NRG1: variants seen among roughly 807,000 people sequenced by gnomAD.
NRG1 encodes the protein pro-neuregulin-1, membrane-bound isoform.
In NRG1, 18 loss-of-function variants were observed where a neutral mutation model predicts 63.8. The ratio of observed to expected loss-of-function variants is 0.28; its 90% CI spans 0.19 to 0.42. The LOEUF (loss-of-function observed/expected upper bound fraction) is 0.42, where lower values mean the gene tolerates loss of function less well. Ranked by LOEUF, NRG1 falls within the 10% of genes least tolerant of loss-of-function variation. NRG1 has a pLI of 1.00. For missense variants in NRG1, 762 were observed against 814.7 expected, an observed-to-expected ratio of 0.94 and a Z score of 0.79; for synonymous variants, 302 against 301.3, an observed-to-expected ratio of 1.00 and a Z score of -0.02.
intron 1 of NRG1, among the ~76,000 whole-genome samples, chr8:31,826,075 A>T (rs1243746705): frequency 6.6e-6 from 1 of 152,160 alleles, no homozygotes; most frequent in Non-Finnish European, 1.5e-5. Context: ...TAGAAATAGA[A>T]CCCTGTTTTT....
intron 1 of NRG1, among the ~76,000 whole-genome samples, chr8:31,911,175 GC>G (rs1832913463): frequency 6.6e-6 from 1 of 152,052 alleles, no homozygotes; most frequent in South Asian, 2.1e-4. Context: ...TTGTGTGGGA[GC>G]GATTTTTCAA....
chr8:32,096,602 G>T (rs1269030406), intron 1 of NRG1, among the ~76,000 whole-genome samples: 4 of 152,296 alleles, frequency 2.6e-5, no homozygotes, highest in African/African-American at 9.6e-5. Flanking sequence ...ATTTGGTGAA[G>T]GCCACAGGCC....
At chr8:31,757,077 A>G (rs960039057) in intron 1 of NRG1, among the ~76,000 whole-genome samples, 3 of 152,184 alleles carry the variant, frequency 2.0e-5, no homozygotes, top group African/African-American at 7.2e-5. Flanking sequence ...ATTTTATAAG[A>G]AAAGGAGTAA....
intron 5 of NRG1, among the ~76,000 whole-genome samples, chr8:32,721,365 C>T (rs1472300278): frequency 2.0e-5 from 3 of 152,138 alleles, no homozygotes; most frequent in Non-Finnish European, 4.4e-5. Context: ...TCAACTTGTT[C>T]TTTGGACAAA....
At chr8:31,790,835 T>C (rs1271732079) in intron 1 of NRG1, among the ~76,000 whole-genome samples, 2 of 152,182 alleles carry the variant, frequency 1.3e-5, no homozygotes, top group African/African-American at 4.8e-5. Context: ...TGAGACACCT[T>C]GTCCAGGGGT....
downstream of NRG1, among the ~76,000 whole-genome samples, chr8:32,768,610 A>G (rs375407964): frequency 3.1e-3 from 471 of 152,360 alleles, 2 homozygotes; most frequent in Non-Finnish European, 4.8e-3. Context: ...GAAAATTCTC[A>G]TATTCTAAGA....
At chr8:32,435,032 A>G (rs1818614345) in intron 1 of NRG1, among the ~76,000 whole-genome samples, 1 of 152,154 alleles carries the variant, frequency 6.6e-6, no homozygotes, top group African/African-American at 2.4e-5. Flanking sequence ...TGTAATCACC[A>G]TGTTTTCCCA....
intron 1 of NRG1, among the ~76,000 whole-genome samples, chr8:31,698,356 G>C (rs1014334889): frequency 2.0e-5 from 3 of 152,160 alleles, no homozygotes; most frequent in Non-Finnish European, 2.9e-5. Context: ...CAGGATGCTA[G>C]TGATGTGGGG....
chr8:32,761,735 G>A lies in NRG1; in HGVS notation c.1259+1329G>A, dbSNP rs548792809. Among the ~76,000 whole-genome samples, 115 of 151,952 alleles carry A rather than the reference G, an allele frequency of 7.6e-4. 1 individual carries two copies. The highest frequency in any genetic ancestry group is 1.5e-3 in the South Asian group (7 of 4,812). On this transcript the variant is annotated intron_variant, in intron 11 of 11. Transcript: ENST00000356819. Reference sequence around the variant, plus strand: ...AGACTCTTCCCACTCATGGACTGGGGAGTACTTACAATAAAAAATGACAGG... The same window carrying A: ...AGACTCTTCCCACTCATGGACTGGGAAGTACTTACAATAAAAAATGACAGG...
intron 1 of NRG1, among the ~76,000 whole-genome samples, chr8:32,080,772 T>TAC (rs1563763398): frequency 5.0e-5 from 2 of 40,152 alleles, no homozygotes; most frequent in East Asian, 2.7e-4. Flanking sequence ...TGCGTGTGTG[T>TAC]GTGTGTGTGT....
chr8:32,234,925 C>T (rs1847375915), intron 1 of NRG1, among the ~76,000 whole-genome samples: 2 of 151,968 alleles, frequency 1.3e-5, no homozygotes, highest in Non-Finnish European at 2.9e-5. Context: ...TATTCAATGT[C>T]TCATTTTTCT....
chr8:32,631,525 C>T (rs1224179283), intron 5 of NRG1, among the ~76,000 whole-genome samples: 1 of 152,142 alleles, frequency 6.6e-6, no homozygotes, highest in Non-Finnish European at 1.5e-5. Context: ...TTTCCTGTAA[C>T]TACATGAACT....
intron 1 of NRG1, among the ~76,000 whole-genome samples, chr8:31,875,472 G>A (rs749136972): frequency 6.6e-6 from 1 of 152,132 alleles, no homozygotes; most frequent in Non-Finnish European, 1.5e-5. Flanking sequence ...GTGCTTTTGA[G>A]GTTAGGAGCT....
chr8:32,194,430 A>G (rs143945316), intron 1 of NRG1, among the ~76,000 whole-genome samples: 2 of 152,150 alleles, frequency 1.3e-5, no homozygotes, highest in Non-Finnish European at 2.9e-5. Flanking sequence ...GGCATGCCAC[A>G]TCATGATGAT....
At chr8:32,366,675 G>GTATATATATATA (rs1461103070) in intron 1 of NRG1, among the ~76,000 whole-genome samples, 3 of 54,526 alleles carry the variant, frequency 5.5e-5, no homozygotes, top group Admixed American at 1.9e-4. Context: ...GTGTGTGTGT[G>GTATATATATATA]TGTATATATA....
chr8:31,795,565 C>G (rs977431690), intron 1 of NRG1, among the ~76,000 whole-genome samples: 3 of 152,172 alleles, frequency 2.0e-5, no homozygotes, highest in Non-Finnish European at 4.4e-5. Flanking sequence ...CATTTTAAAA[C>G]CACAAGACAT....
At chr8:31,870,072 G>A (rs1829343611) in intron 1 of NRG1, among the ~76,000 whole-genome samples, 1 of 152,142 alleles carries the variant, frequency 6.6e-6, no homozygotes, top group Non-Finnish European at 1.5e-5. Flanking sequence ...CTGAGGAAAA[G>A]GAATGAGTTT....
chr8:31,949,103 A>C (rs1803070860), intron 1 of NRG1, among the ~76,000 whole-genome samples: 1 of 152,240 alleles, frequency 6.6e-6, no homozygotes, highest in Admixed American at 6.5e-5. Flanking sequence ...GTTTTATCAA[A>C]GATGATGATA....
At chr8:32,748,585 C>A in intron 7 of NRG1, 1 of 380,574 alleles carries the variant, frequency 2.6e-6, no homozygotes, top group Non-Finnish European at 5.2e-6. Context: ...TCTGGAGTCC[C>A]AGCTGCCAGG....
Sources: gnomAD v4.1 joint callset for allele counts (sites outside exome capture counted in the v4.1 genomes callset) on GRCh38, gnomAD v4.1.1 for gene constraint, MANE v1.5 for transcripts, NCBI Gene and HGNC (gene_info 2026-07-23, HGNC 2026-07-21) for gene names.